RBFOX3: variants seen among roughly 807,000 people sequenced by gnomAD.
The protein encoded by RBFOX3 is RNA binding protein fox-1 homolog 3.
RBFOX3 carries 17 observed loss-of-function variants against 48.7 expected under a neutral mutation model. That is an observed-to-expected ratio of 0.35 (90% confidence interval 0.24 to 0.52). The LOEUF (loss-of-function observed/expected upper bound fraction) is 0.52. Ranked by LOEUF, RBFOX3 falls within the 20% of genes least tolerant of loss-of-function variation. The pLI, the probability that RBFOX3 is intolerant of heterozygous loss-of-function variation, is 0.94. For missense variants in RBFOX3, 382 were observed against 497.5 expected (o/e 0.77, Z 2.21); for synonymous variants, 212 against 209.5 (o/e 1.01, Z -0.10).
intron 1 of RBFOX3, among the ~76,000 whole-genome samples, chr17:79,512,629 A>C (rs1408248910): frequency 8.5e-6 from 1 of 117,572 alleles, no homozygotes; most frequent in Non-Finnish European, 1.7e-5. Flanking sequence ...ACCCGGATAC[A>C]TGTTACCATC....
In RBFOX3 at chr17:79,111,290, C is replaced by T. The variant is rs1366217388; in HGVS notation, c.222+4204G>A. On this transcript the variant is annotated intron_variant, in intron 5 of 14. Transcript: ENST00000693108. This position sits in a 1 kb window ranked among gnomAD's most constrained non-coding sequence, Gnocchi z 4.2. ...GGTGCTGGCCCCTCAGACATCAGGCCCTTGCGGCCCACGTGGGGTCCCTTC... is the reference window on the plus strand; with the variant it reads ...GGTGCTGGCCCCTCAGACATCAGGCTCTTGCGGCCCACGTGGGGTCCCTTC... Among the ~76,000 whole-genome samples the T allele has an allele frequency of 2.6e-5, 4 of 152,126 alleles. No individual in the cohort carries two copies. Among genetic ancestry groups the T allele is most frequent in the Non-Finnish European group, 5.9e-5 (4 of 68,020 alleles).
At chr17:79,097,787 C>G (rs2075665231) in intron 9 of RBFOX3, 42 bp from the exon 10 acceptor site, 3 of 1,545,516 alleles carry the variant, frequency 1.9e-6, no homozygotes, top group Non-Finnish European at 2.6e-6. Flanking sequence ...CCTTCCCCGA[C>G]CCTTTTCCCA....
intron 1 of RBFOX3, among the ~76,000 whole-genome samples, chr17:79,595,702 G>A (rs968757830): frequency 5.3e-5 from 8 of 152,214 alleles, no homozygotes; most frequent in Non-Finnish European, 1.0e-4. Flanking sequence ...GCCAAGTCAC[G>A]AGGGGCTCCT....
chr17:79,176,599 C>T (rs1179514706), intron 4 of RBFOX3, among the ~76,000 whole-genome samples: 1 of 152,200 alleles, frequency 6.6e-6, no homozygotes, highest in Non-Finnish European at 1.5e-5. Context: ...ATGCGATTTG[C>T]AAGATACACA....
intron 4 of RBFOX3, among the ~76,000 whole-genome samples, chr17:79,166,165 A>G (rs1486933207): frequency 1.3e-5 from 2 of 151,048 alleles, no homozygotes; most frequent in African/African-American, 4.9e-5. Flanking sequence ...CCCCCCGGGC[A>G]GGTAAGGGCG....
chr17:79,238,295 A>G (rs1175383546), intron 3 of RBFOX3, among the ~76,000 whole-genome samples: 1 of 152,178 alleles, frequency 6.6e-6, no homozygotes. Context: ...ATTCAATACA[A>G]TTTGATTCAA....
chr17:79,526,783 T>C (rs1266894266), intron 1 of RBFOX3, among the ~76,000 whole-genome samples: 3 of 152,242 alleles, frequency 2.0e-5, no homozygotes, highest in Non-Finnish European at 4.4e-5. Context: ...CAGAGAGTTT[T>C]GTATAGACAG....
Position 79,479,115 on chromosome 17 carries a change from C to T in RBFOX3, c.-175+3339G>A, listed in dbSNP as rs35517692. 1.3e-5 allele frequency among the ~76,000 whole-genome samples: 2 copies of T among 152,230 alleles called. No homozygotes were observed. The highest frequency in any genetic ancestry group is 2.9e-5 in the Non-Finnish European group (2 of 68,032). ...AAGCTCCTGCAGGCTTTTCCCTGCC[C>T]GGGTTTCTCCATCACTGTTCTCCAA... On this transcript the variant is annotated intron_variant, in intron 2 of 14. Transcript: ENST00000693108. The surrounding 1 kb of genome is among the most constrained non-coding windows in gnomAD (Gnocchi z 5.1).
chr17:79,464,349 G>T (rs1014893684), intron 2 of RBFOX3, among the ~76,000 whole-genome samples: 1 of 152,272 alleles, frequency 6.6e-6, no homozygotes, highest in Non-Finnish European at 1.5e-5. Flanking sequence ...TGTTTACGTG[G>T]ACGGGCCTTT....
chr17:79,542,314 A>G (rs1341634678), intron 1 of RBFOX3, among the ~76,000 whole-genome samples: 1 of 152,170 alleles, frequency 6.6e-6, no homozygotes, highest in African/African-American at 2.4e-5. Flanking sequence ...GGGCTCCCCA[A>G]TGCTGTCAGC....
At chr17:79,394,141 G>T (rs1327801442) in intron 2 of RBFOX3, among the ~76,000 whole-genome samples, 1 of 152,064 alleles carries the variant, frequency 6.6e-6, no homozygotes, top group African/African-American at 2.4e-5. Context: ...CATCTGAGTT[G>T]GTCCCCGCGC....
chr17:79,481,406 T>C lies in RBFOX3; in HGVS notation c.-175+1048A>G, dbSNP rs2078762514. On this transcript the variant is annotated intron_variant, in intron 2 of 14. Transcript: ENST00000693108. This position sits in a 1 kb window ranked among gnomAD's most constrained non-coding sequence, Gnocchi z 5.4. ...TCACCTGGTGTCTGTCCCTGGTTCC[T>C]GGGAGGTGATCTCTAAAACTGCTGG... 6.6e-6 allele frequency among the ~76,000 whole-genome samples: 1 copy of C among 152,152 alleles called. No homozygotes were observed. The highest frequency in any genetic ancestry group is 2.4e-5 in the African/African-American group (1 of 41,420).
the RBFOX3 span, among the ~76,000 whole-genome samples, chr17:79,620,141 GCACACACATGCACGCGCGGACATGCA>G: frequency 7.3e-6 from 1 of 136,482 alleles, no homozygotes; most frequent in South Asian, 2.3e-4. Context: ...ATGCACACGC[GCACACACATGCACGCGCGGACATGCA>G]CACACATGCA....
chr17:79,445,929 G>T (rs937679340), intron 2 of RBFOX3, among the ~76,000 whole-genome samples: 1 of 152,240 alleles, frequency 6.6e-6, no homozygotes, highest in African/African-American at 2.4e-5. Context: ...GGGCCATTTG[G>T]TGGTGCCTGC....
intron 1 of RBFOX3, among the ~76,000 whole-genome samples, chr17:79,552,490 T>C (rs2091249458): frequency 6.6e-6 from 1 of 152,216 alleles, no homozygotes; most frequent in Admixed American, 6.5e-5. Flanking sequence ...AATTTTCTTA[T>C]TCGTTTCCCA....
chr17:79,572,989 C>A (rs2144602180), intron 1 of RBFOX3, among the ~76,000 whole-genome samples: 1 of 152,248 alleles, frequency 6.6e-6, no homozygotes, highest in East Asian at 1.9e-4. Context: ...CCCATGCAAT[C>A]TTTGGGACAC....
the RBFOX3 span, among the ~76,000 whole-genome samples, chr17:79,649,030 G>A: frequency 3.4e-5 from 5 of 148,368 alleles, no homozygotes; most frequent in Non-Finnish European, 7.4e-5. Context: ...CCAGGCTGGA[G>A]TGCAGAGCTA....
chr17:79,284,661 T>C (rs2071439403), intron 3 of RBFOX3, among the ~76,000 whole-genome samples: 1 of 151,280 alleles, frequency 6.6e-6, no homozygotes, highest in Non-Finnish European at 1.5e-5. Flanking sequence ...GGCCTCAGCC[T>C]CCTGAGTAGC....
At chr17:79,452,933 G>C (rs527375919) in intron 2 of RBFOX3, among the ~76,000 whole-genome samples, 1 of 152,158 alleles carries the variant, frequency 6.6e-6, no homozygotes, top group Non-Finnish European at 1.5e-5. Flanking sequence ...ACGGCCCCCC[G>C]GCCACCTGGA....
Sources: gnomAD v4.1 joint callset for allele counts (sites outside exome capture counted in the v4.1 genomes callset) on GRCh38, gnomAD v4.1.1 for gene constraint, Gnocchi (gnomAD v3.1) non-coding constraint, MANE v1.5 for transcripts, NCBI Gene and HGNC (gene_info 2026-07-23, HGNC 2026-07-21) for gene names.